EML6: variants seen among roughly 807,000 people sequenced by gnomAD.
The protein encoded by EML6 is echinoderm microtubule-associated protein-like 6.
Under a neutral mutation model 240.1 loss-of-function variants are expected in EML6, and 154 were observed. The observed-to-expected ratio is 0.64, with a 90% CI of 0.56 to 0.73. The LOEUF (loss-of-function observed/expected upper bound fraction) is 0.73. Ranked by LOEUF, EML6 falls within the 30% of genes least tolerant of loss-of-function variation. EML6 has a pLI of 0.00. For missense variants in EML6, 2,964 were observed against 2,474.6 expected (o/e 1.20, Z -4.20); for synonymous variants, 1,148 against 899.0 (o/e 1.28, Z -4.95).
chr2:54,833,282 A>G (rs1289481214), intron 7 of EML6, among the ~76,000 whole-genome samples: 1 of 152,238 alleles, frequency 6.6e-6, no homozygotes, highest in East Asian at 1.9e-4. Flanking sequence ...GATTTACAAA[A>G]TGAATCTGAC....
At chr2:54,938,014 G>C (rs950369580) in intron 28 of EML6, among the ~76,000 whole-genome samples, 1 of 152,212 alleles carries the variant, frequency 6.6e-6, no homozygotes, top group Non-Finnish European at 1.5e-5. Context: ...ACAGGACAGT[G>C]ATGTTAGTGA....
At chr2:54,917,084 G>A (rs1041626649) in intron 26 of EML6, 149 bp downstream of exon 26, 10 of 593,180 alleles carry the variant, frequency 1.7e-5, no homozygotes, top group Non-Finnish European at 2.8e-5. Flanking sequence ...CCCTGACATT[G>A]TGTTTGAGTG....
chr2:54,797,973 A>G (rs1669911807), intron 2 of EML6, among the ~76,000 whole-genome samples: 1 of 152,156 alleles, frequency 6.6e-6, no homozygotes, highest in Non-Finnish European at 1.5e-5. Context: ...TAAAAAACCT[A>G]TTCTAGGACC....
At chr2:54,765,754 T>C (rs1006720409) in intron 2 of EML6, among the ~76,000 whole-genome samples, 6 of 152,174 alleles carry the variant, frequency 3.9e-5, no homozygotes, top group African/African-American at 1.2e-4. Context: ...TGCATTCTTT[T>C]TAGTTTAGTC....
intron 26 of EML6, among the ~76,000 whole-genome samples, chr2:54,924,332 A>G (rs1674426098): frequency 3.3e-5 from 5 of 152,028 alleles, no homozygotes; most frequent in African/African-American, 1.2e-4. Flanking sequence ...TTCAGTTTAC[A>G]TTTCTCTGAT....
chr2:54,901,122 A>T lies in EML6; in HGVS notation c.3124+1340A>T, dbSNP rs575177114. Among the ~76,000 whole-genome samples the T allele has an allele frequency of 3.0e-4, 45 of 152,344 alleles. No homozygotes were observed. The South Asian group carries it at 8.1e-3, about 27-fold the overall frequency. ...CCAGCTCTTTCCATGTAGTCTTTGT[A>T]GGAACCCCATGAGTAAGGCTATTAT... On this transcript the variant is annotated intron_variant, in intron 22 of 41. Coordinates refer to ENST00000356458, the MANE Select transcript of EML6 (RefSeq NM_001039753.4).
chr2:54,789,543 A>AAAAAAAG (rs1669308341), intron 2 of EML6, among the ~76,000 whole-genome samples: 63 of 145,672 alleles, frequency 4.3e-4, no homozygotes, highest in Non-Finnish European at 7.1e-4. Context: ...AAAAAAAAAA[A>AAAAAAAG]AAAAAGAAAA....
chr2:54,819,740 A>C (rs191940974), intron 4 of EML6, among the ~76,000 whole-genome samples: 9 of 141,946 alleles, frequency 6.3e-5, no homozygotes, highest in Admixed American at 7.8e-5. Flanking sequence ...ACGCCACTGC[A>C]CTCCAGCCTG....
rs185278712 is a variant in EML6 at position 54,779,738 on chromosome 2, T to C, written c.198-33494T>C. On this transcript the variant is annotated intron_variant, in intron 2 of 41. Coordinates refer to ENST00000356458, the MANE Select transcript of EML6 (RefSeq NM_001039753.4). Reference sequence around the variant, plus strand: ...TTAGCGGGGTATGGTGGTGTGTGCCTATAGTCACAGCTACTTGGAAGGCTG... The same window carrying C: ...TTAGCGGGGTATGGTGGTGTGTGCCCATAGTCACAGCTACTTGGAAGGCTG... 1.3e-4 allele frequency among the ~76,000 whole-genome samples: 19 copies of C among 150,858 alleles called. 1 individual carries two copies. In the East Asian group the frequency reaches 2.9e-3, roughly 23 times the overall value.
chr2:54,931,431 C>T (rs1305681510), intron 28 of EML6, among the ~76,000 whole-genome samples: 2 of 152,116 alleles, frequency 1.3e-5, no homozygotes, highest in African/African-American at 2.4e-5. Context: ...CTCTAGCATC[C>T]TGGAATGACA....
chr2:54,829,896 C>T (rs1409252932), intron 7 of EML6, among the ~76,000 whole-genome samples: 2 of 152,140 alleles, frequency 1.3e-5, no homozygotes, highest in Non-Finnish European at 2.9e-5. Context: ...AGCATGGGCT[C>T]AGTCATGTGG....
In EML6 at chr2:54,850,235, C is replaced by G; in HGVS notation, c.1444+17C>G. 2.6e-6 allele frequency: 4 copies of G among 1,544,118 alleles called. No individual in the cohort carries two copies. The highest frequency in any genetic ancestry group is 2.6e-6 in the Non-Finnish European group (3 of 1,141,432). ...GAATGCCATGTAAGTCATGTGGAGGCCTTGGATGTTTCTGGAAAGCAAAAT... is the reference window on the plus strand; with the variant it reads ...GAATGCCATGTAAGTCATGTGGAGGGCTTGGATGTTTCTGGAAAGCAAAAT... On this transcript the variant is annotated intron_variant, in intron 10 of 41. Coordinates refer to ENST00000356458, the MANE Select transcript of EML6 (RefSeq NM_001039753.4).
Position 54,820,450 on chromosome 2 carries a change from A to G in EML6, c.513A>G (p.Val171=), listed in dbSNP as rs1668280928. 1.3e-6 allele frequency: 2 copies of G among 1,544,540 alleles called. No homozygotes were observed. Among genetic ancestry groups the G allele is most frequent in the Non-Finnish European group, 1.8e-6 (2 of 1,141,288 alleles). The change falls in exon 5 of 42, where the codon GTA becomes GTG. Residue 171 remains valine (V), a synonymous_variant. Coordinates refer to ENST00000356458, the MANE Select transcript of EML6 (RefSeq NM_001039753.4). ...YQPNRVVSCG[V]KHIKFWTLCG... ...CAAACAGAGTGGTTAGCTGTGGAGT[A>G]AAACACATAAAGGTAAAGCTTTTTG...
At chr2:54,820,146 T>C (rs1383873518) in intron 4 of EML6, among the ~76,000 whole-genome samples, 1 of 152,174 alleles carries the variant, frequency 6.6e-6, no homozygotes, top group Non-Finnish European at 1.5e-5. Context: ...ATTAAAAATA[T>C]GACACCAGTT....
intron 2 of EML6, among the ~76,000 whole-genome samples, chr2:54,805,953 G>C (rs1010700566): frequency 6.6e-6 from 1 of 152,008 alleles, no homozygotes; most frequent in African/African-American, 2.4e-5. Flanking sequence ...GAAATGAGTT[G>C]ATCATATAAA....
At chr2:54,836,235 G>A (rs1669135578) in intron 7 of EML6, among the ~76,000 whole-genome samples, 1 of 152,158 alleles carries the variant, frequency 6.6e-6, no homozygotes, top group African/African-American at 2.4e-5. Flanking sequence ...TAATTCCTCT[G>A]TAAATAACTC....
chr2:54,892,585 A>G lies in EML6; in HGVS notation c.2671A>G (p.Lys891Glu). The G allele has an allele frequency of 6.4e-7, 1 of 1,551,800 alleles. No homozygotes were observed. Residue 891 changes from lysine to glutamate, a missense_variant, in exon 19 of 42, where the codon AAA becomes GAA. Lys to Glu is a moderately conservative substitution (Grantham distance 56, BLOSUM62 1). Coordinates refer to ENST00000356458, the MANE Select transcript of EML6 (RefSeq NM_001039753.4). ...GAATGDIFIWKDILLLKTVKA... is the reference protein window; with the variant it reads ...GAATGDIFIWEDILLLKTVKA... ...AGCTACTGGAGATATTTTTATTTGG[A>G]AAGACATTCTACTACTGAAGACAGT... is the stretch of plus-strand genomic sequence containing the variant.
intron 2 of EML6, among the ~76,000 whole-genome samples, chr2:54,800,578 G>T (rs905570238): frequency 2.0e-5 from 3 of 152,102 alleles, no homozygotes; most frequent in Non-Finnish European, 2.9e-5. Context: ...CTGGCTCAAA[G>T]ATATAACGGC....
chr2:54,942,534 G>GGAAGGTGT (rs1675482609), intron 28 of EML6, among the ~76,000 whole-genome samples: 1 of 152,134 alleles, frequency 6.6e-6, no homozygotes, highest in Admixed American at 6.6e-5. Flanking sequence ...TTGCAGGAGT[G>GGAAGGTGT]GAAGGTGTGA....
Sources: allele counts gnomAD v4.1 joint callset (sites outside exome capture counted in the v4.1 genomes callset), GRCh38; gene constraint gnomAD v4.1.1; transcripts MANE v1.5; gene names NCBI Gene and HGNC (gene_info 2026-07-23, HGNC 2026-07-21).